Variants in POU2F1 observed in about 807,000 individuals in gnomAD.
The protein encoded by POU2F1 is POU class 2 homeobox 1, also known as POU domain, class 2, transcription factor 1.
Under a neutral mutation model 84.9 loss-of-function variants are expected in POU2F1, and 16 were observed. The ratio of observed to expected loss-of-function variants is 0.19; its 90% CI spans 0.13 to 0.29. POU2F1 has a LOEUF of 0.29. Ranked by LOEUF, POU2F1 falls within the 10% of genes least tolerant of loss-of-function variation. The pLI is 1.00. For missense variants in POU2F1, 738 were observed against 942.6 expected (o/e 0.78, Z 2.84); for synonymous variants, 368 against 368.3 (o/e 1.00, Z 0.01).
intron 9 of POU2F1, 91 bp from the exon 10 acceptor site, chr1:167,396,195 A>G (rs971862771): frequency 9.0e-6 from 13 of 1,438,126 alleles, no homozygotes; most frequent in Non-Finnish European, 1.2e-5. Context: ...TAAAGCAGTT[A>G]TTGGAGCAAC....
In POU2F1 at chr1:167,354,640, A is replaced by G. The variant is rs61806114; in HGVS notation, c.128-10827A>G. On this transcript the variant is annotated intron_variant, in intron 2 of 15. Coordinates refer to ENST00000367866, the MANE Select transcript of POU2F1 (RefSeq NM_002697.4). ...TGTTCTAATGTTACTTAGTACTGCC[A>G]GCCAGTTTTCCAGAGCATTTGTACT... 2.9e-3 allele frequency among the ~76,000 whole-genome samples: 446 copies of G among 152,290 alleles called. 2 individuals carry two copies. Among genetic ancestry groups the G allele is most frequent in the Non-Finnish European group, 4.8e-3 (325 of 68,022 alleles).
rs567558559 is a variant in POU2F1, at chr1:167,416,449, A to T, written c.*639A>T. The T allele has an allele frequency of 6.1e-6, 1 of 164,988 alleles. No individual in the cohort carries two copies. Among genetic ancestry groups the T allele is most frequent in the Admixed American group, 6.1e-5 (1 of 16,324 alleles). The allele number at this position is 164,988 out of a possible 1,614,324, so 10.2% of individuals were successfully genotyped here. A position where few individuals can be genotyped will look rare whatever the true frequency, so the allele number is the denominator to read the frequency against. ...CATGTTTATTATCTCTTGCTCCTGG[A>T]TCCTATTTCAGTGAGCTCCCACACT... On this transcript the variant is annotated 3_prime_UTR_variant, in exon 16 of 16. Transcript: ENST00000367866.
At chr1:167,384,364 G>T (rs986199236) in intron 8 of POU2F1, among the ~76,000 whole-genome samples, 1 of 151,784 alleles carries the variant, frequency 6.6e-6, no homozygotes, top group Non-Finnish European at 1.5e-5. Flanking sequence ...TGCTTTTATG[G>T]TGCTTTAGCT....
chr1:167,263,412 CAG>C (rs1444613705), intron 1 of POU2F1, among the ~76,000 whole-genome samples: 1 of 151,834 alleles, frequency 6.6e-6, no homozygotes, highest in Non-Finnish European at 1.5e-5. Flanking sequence ...CCCAGCTACT[CAG>C]GGGGTTGAGA....
At chr1:167,390,650 G>A (rs564565547) in intron 9 of POU2F1, among the ~76,000 whole-genome samples, 56 of 152,072 alleles carry the variant, frequency 3.7e-4, no homozygotes, top group African/African-American at 1.3e-3. Context: ...ATTTAACTGG[G>A]TGTGGTGACG....
chr1:167,317,796 G>A (rs1656022050), intron 1 of POU2F1, among the ~76,000 whole-genome samples: 2 of 152,270 alleles, frequency 1.3e-5, no homozygotes, highest in South Asian at 4.2e-4. Flanking sequence ...TTTGTTGATG[G>A]CCATTTTGGG....
intron 8 of POU2F1, among the ~76,000 whole-genome samples, chr1:167,387,541 C>A (rs1297553186): frequency 6.6e-6 from 1 of 152,176 alleles, no homozygotes; most frequent in Non-Finnish European, 1.5e-5. Flanking sequence ...AATGCTTATT[C>A]TGTAGTTTTC....
At chr1:167,228,102 A>T (rs988750562) in intron 1 of POU2F1, among the ~76,000 whole-genome samples, 7 of 152,210 alleles carry the variant, frequency 4.6e-5, no homozygotes, top group Admixed American at 1.3e-4. Flanking sequence ...ACCGAGCTTT[A>T]AAGGGCAAAA....
At chr1:167,264,182 G>T (rs1274971413) in intron 1 of POU2F1, among the ~76,000 whole-genome samples, 1 of 151,986 alleles carries the variant, frequency 6.6e-6, no homozygotes, top group Non-Finnish European at 1.5e-5. Context: ...ATTTATAGTG[G>T]TATGTCAGGA....
intron 1 of POU2F1, among the ~76,000 whole-genome samples, chr1:167,243,682 G>A (rs1312262731): frequency 6.6e-6 from 1 of 152,066 alleles, no homozygotes; most frequent in Non-Finnish European, 1.5e-5. Flanking sequence ...TGCCATGTTG[G>A]CTAGGCTGGT....
intron 1 of POU2F1, among the ~76,000 whole-genome samples, chr1:167,268,710 TTA>T (rs1652157697): frequency 2.0e-5 from 3 of 152,266 alleles, no homozygotes; most frequent in African/African-American, 7.2e-5. Flanking sequence ...TACAGTTGCT[TTA>T]TCTCCTTTTA....
chr1:167,388,873 C>A (rs1356798701), intron 8 of POU2F1, among the ~76,000 whole-genome samples: 1 of 152,150 alleles, frequency 6.6e-6, no homozygotes, highest in Non-Finnish European at 1.5e-5. Flanking sequence ...GCATGCCTGT[C>A]TCCATCACCC....
chr1:167,335,077 G>A (rs1042629036), intron 2 of POU2F1, among the ~76,000 whole-genome samples: 4 of 152,130 alleles, frequency 2.6e-5, no homozygotes, highest in African/African-American at 9.7e-5. Context: ...AAAATCAAAT[G>A]ATGCACTTTT....
intron 1 of POU2F1, among the ~76,000 whole-genome samples, chr1:167,235,282 A>G (rs1649364829): frequency 6.6e-6 from 1 of 152,156 alleles, no homozygotes; most frequent in Non-Finnish European, 1.5e-5. Flanking sequence ...GCTCTGGCCA[A>G]GGAGAGTGGT....
At chr1:167,301,081 T>G (rs937259832) in intron 1 of POU2F1, among the ~76,000 whole-genome samples, 4 of 152,198 alleles carry the variant, frequency 2.6e-5, no homozygotes, top group Non-Finnish European at 5.9e-5. Context: ...TAAAAACTCT[T>G]AACAGTTTTA....
At chr1:167,330,782 G>A (rs1177877347) in intron 1 of POU2F1, among the ~76,000 whole-genome samples, 1 of 152,058 alleles carries the variant, frequency 6.6e-6, no homozygotes, top group Admixed American at 6.5e-5. Flanking sequence ...ACAAAGTCAG[G>A]CTCATGACTT....
chr1:167,390,661 C>T (rs771457949), intron 9 of POU2F1, among the ~76,000 whole-genome samples: 17 of 151,308 alleles, frequency 1.1e-4, no homozygotes, highest in Non-Finnish European at 2.1e-4. Context: ...TGTGGTGACG[C>T]ATGCCTGTAG....
intron 2 of POU2F1, among the ~76,000 whole-genome samples, chr1:167,350,072 T>C (rs1184949877): frequency 6.6e-6 from 1 of 152,170 alleles, no homozygotes; most frequent in Non-Finnish European, 1.5e-5. Context: ...GTATAGGGTT[T>C]CAGGTGAGTT....
intron 9 of POU2F1, among the ~76,000 whole-genome samples, chr1:167,395,562 T>C (rs1204577065): frequency 1.3e-5 from 2 of 152,192 alleles, no homozygotes; most frequent in African/African-American, 2.4e-5. Context: ...ATACATAATA[T>C]CTGTAGGTGA....
Sources: gnomAD v4.1 joint callset for allele counts (sites outside exome capture counted in the v4.1 genomes callset) on GRCh38, gnomAD v4.1.1 for gene constraint, MANE v1.5 for transcripts, NCBI Gene and HGNC (gene_info 2026-07-23, HGNC 2026-07-21) for gene names.